The following ARHGAP44 variants were observed in gnomAD, a reference collection of about 807,000 sequenced individuals.
ARHGAP44 encodes rho GTPase-activating protein 44.
In ARHGAP44, 43 loss-of-function variants were observed where a neutral mutation model predicts 106.8. The ratio of observed to expected loss-of-function variants is 0.40; its 90% CI spans 0.32 to 0.52. The LOEUF (loss-of-function observed/expected upper bound fraction) is 0.52. Among genes scored for constraint, ARHGAP44 ranks in the 20% least tolerant of loss-of-function variants. The probability of loss-of-function intolerance (pLI) is 0.48; values close to 1 mark genes in which losing one functional copy is unlikely to be tolerated. For synonymous variants in ARHGAP44, 439 were observed against 410.3 expected (o/e 1.07, Z -0.85); for missense variants, 866 against 1,050.5 (o/e 0.82, Z 2.43).
chr17:12,798,131 A>G (rs1042418376), intron 1 of ARHGAP44, among the ~76,000 whole-genome samples: 3 of 152,154 alleles, frequency 2.0e-5, no homozygotes, highest in African/African-American at 4.8e-5. Context: ...CAGGGAGACA[A>G]TTAGGTCTTC....
chr17:12,949,141 G>A lies in ARHGAP44; in HGVS notation c.863G>A (p.Gly288Glu). The A allele has an allele frequency of 6.4e-7, 1 of 1,564,724 alleles. No homozygotes were observed. Among genetic ancestry groups the A allele is most frequent in the Non-Finnish European group, 8.7e-7 (1 of 1,154,850 alleles). ...MLLECGMQEEGLFRVAPSASK... is the reference protein window; with the variant it reads ...MLLECGMQEEELFRVAPSASK... ...GCTGACCCTCTGTCCTGTTGGTAGG[G>A]ACTCTTCCGAGTAGCCCCCTCTGCC... Residue 288 changes from glycine to glutamate, a missense_variant and splice_region_variant, in exon 11 of 21, where the codon GGA becomes GAA. By Grantham distance (98) the Gly-to-Glu change is moderately conservative. Around this residue, in one of 2 missense-constraint regions of ARHGAP44, gnomAD observed 448 missense variants for 646.9 expected, o/e 0.69. Transcript: ENST00000379672. The surrounding 1 kb of genome is among the most constrained non-coding windows in gnomAD (Gnocchi z 4.1).
rs528287155 is a variant in ARHGAP44 at position 12,866,168 on chromosome 17, T to G, written c.54-28772T>G. On this transcript the variant is annotated intron_variant, in intron 1 of 20. Transcript: ENST00000379672. ...ATAGGAGGACAGAATTATCTCTTAC[T>G]AATATATTAGAGAAGAAGTTAAATT... Among the ~76,000 whole-genome samples, 369 of 152,264 alleles carry G rather than the reference T, an allele frequency of 2.4e-3. 3 individuals are homozygous for G. Among genetic ancestry groups the G allele is most frequent in the African/African-American group, 8.5e-3 (352 of 41,530 alleles).
intron 7 of ARHGAP44, among the ~76,000 whole-genome samples, chr17:12,930,525 A>G (rs142748908): frequency 8.2e-4 from 125 of 152,306 alleles, no homozygotes; most frequent in African/African-American, 2.9e-3. Flanking sequence ...GGCGTGAGCC[A>G]CCGTGCCTGG....
intron 3 of ARHGAP44, among the ~76,000 whole-genome samples, chr17:12,905,102 C>T (rs1286436217): frequency 1.4e-5 from 2 of 145,584 alleles, no homozygotes; most frequent in Non-Finnish European, 3.0e-5. Flanking sequence ...TTAGAAGAGA[C>T]GGGGTTTCAC....
At position 12,975,679 on chromosome 17, in the gene ARHGAP44, T is replaced by A. The variant is rs564484601; in HGVS notation, c.1763+1369T>A. Reference sequence around the variant, plus strand: ...TGGGCGTGGTGGCGGGCGCCTGTAGTCCCAGCTACTGGGGAGGCTGAGGCA... The same window carrying A: ...TGGGCGTGGTGGCGGGCGCCTGTAGACCCAGCTACTGGGGAGGCTGAGGCA... On this transcript the variant is annotated intron_variant, in intron 18 of 20. Transcript: ENST00000379672. Among the ~76,000 whole-genome samples the A allele has an allele frequency of 3.3e-5, 5 of 150,020 alleles. No homozygotes were observed. In the South Asian group the frequency reaches 1.1e-3, roughly 32 times the overall value.
intron 3 of ARHGAP44, among the ~76,000 whole-genome samples, chr17:12,897,562 A>G (rs1217117922): frequency 1.3e-5 from 2 of 152,098 alleles, no homozygotes; most frequent in African/African-American, 2.4e-5. Context: ...TGCATGTATC[A>G]GGAATTCAGC....
intron 1 of ARHGAP44, among the ~76,000 whole-genome samples, chr17:12,826,733 G>T (rs2034929627): frequency 6.6e-6 from 1 of 152,138 alleles, no homozygotes; most frequent in Non-Finnish European, 1.5e-5. Flanking sequence ...TTCCTAGTCT[G>T]TTACAAGATT....
chr17:12,800,684 G>A (rs1407501672), intron 1 of ARHGAP44, among the ~76,000 whole-genome samples: 1 of 152,192 alleles, frequency 6.6e-6, no homozygotes, highest in Non-Finnish European at 1.5e-5. Flanking sequence ...TAGTTTATAA[G>A]CATTATTTTA....
chr17:12,980,036 G>A, intron 18 of ARHGAP44, 22 bp from the exon 19 acceptor site: 1 of 1,583,066 alleles, frequency 6.3e-7, no homozygotes, highest in Non-Finnish European at 8.6e-7. Flanking sequence ...CTTTTCTTTT[G>A]TCTCATGTGC....
At chr17:12,827,885 G>A (rs889807538) in intron 1 of ARHGAP44, among the ~76,000 whole-genome samples, 2 of 151,682 alleles carry the variant, frequency 1.3e-5, no homozygotes, top group African/African-American at 2.4e-5. Flanking sequence ...CTAAAAATAC[G>A]AAAATCAGCC....
intron 18 of ARHGAP44, among the ~76,000 whole-genome samples, chr17:12,979,472 A>G (rs2240570): frequency 0.69 from 104,536 of 152,030 alleles, 36,554 homozygotes; most frequent in Non-Finnish European, 0.75. Context: ...ATTTAAGGGC[A>G]TGGCCTGGAT....
chr17:12,949,987 T>C lies in ARHGAP44; in HGVS notation c.1055+257T>C, dbSNP rs1395543312. Among the ~76,000 whole-genome samples, 1 of 151,994 alleles carries C rather than the reference T, an allele frequency of 6.6e-6. No homozygotes were observed. The highest frequency in any genetic ancestry group is 2.4e-5 in the African/African-American group (1 of 41,362). On this transcript the variant is annotated intron_variant, in intron 12 of 20. Transcript: ENST00000379672. The surrounding 1 kb of genome is among the most constrained non-coding windows in gnomAD (Gnocchi z 4.1). ...GGAAGTGGCTAAGTAAACTGTGGAG[T>C]GTCTGTACCATCGCACACTCTGGAA...
At chr17:12,986,273 T>TG (rs2039954022) in intron 20 of ARHGAP44, 1 of 152,130 alleles carries the variant, frequency 6.6e-6, no homozygotes, top group Non-Finnish European at 1.5e-5. Flanking sequence ...GTCTTGGTGC[T>TG]GAGGTGTCTC....
chr17:12,976,914 G>A (rs1307921879), intron 18 of ARHGAP44, among the ~76,000 whole-genome samples: 2 of 152,188 alleles, frequency 1.3e-5, no homozygotes, highest in East Asian at 3.9e-4. Flanking sequence ...GGCTGGGACT[G>A]CTTCCTTTTT....
chr17:12,863,397 A>T (rs1227143873), intron 1 of ARHGAP44, among the ~76,000 whole-genome samples: 1 of 152,200 alleles, frequency 6.6e-6, no homozygotes, highest in Non-Finnish European at 1.5e-5. Flanking sequence ...TGTGTAAAAA[A>T]TCTAATGTCA....
chr17:12,911,275 T>A (rs537603035), intron 4 of ARHGAP44, among the ~76,000 whole-genome samples: 3 of 152,226 alleles, frequency 2.0e-5, no homozygotes, highest in Admixed American at 2.0e-4. Context: ...AGATTGAACA[T>A]GCATCTGATT....
chr17:12,906,467 C>G (rs1277768496), intron 3 of ARHGAP44, among the ~76,000 whole-genome samples: 1 of 152,204 alleles, frequency 6.6e-6, no homozygotes, highest in Non-Finnish European at 1.5e-5. Context: ...AGGGGTCCCA[C>G]AACTCCCCTC....
intron 14 of ARHGAP44, 91 bp downstream of exon 14, chr17:12,956,071 A>G: frequency 2.4e-6 from 2 of 849,266 alleles, no homozygotes; most frequent in Non-Finnish European, 3.8e-6. Flanking sequence ...CTAGCTGAGC[A>G]CCAGCCTCAT....
At chr17:12,795,471 T>C (rs911716470) in intron 1 of ARHGAP44, among the ~76,000 whole-genome samples, 7 of 152,046 alleles carry the variant, frequency 4.6e-5, no homozygotes, top group African/African-American at 7.2e-5. Flanking sequence ...TGCTCTTAAA[T>C]AGCAATTAAT....
Sources: allele counts gnomAD v4.1 joint callset (sites outside exome capture counted in the v4.1 genomes callset), GRCh38; gene constraint gnomAD v4.1.1; regional missense constraint gnomAD v4.1.1; non-coding constraint Gnocchi (gnomAD v3.1); transcripts MANE v1.5; gene names NCBI Gene and HGNC (gene_info 2026-07-23, HGNC 2026-07-21).